Variants in HIGD2B observed in about 807,000 individuals in gnomAD.
HIGD2B encodes the protein HIG1 domain family member 2B.
For synonymous variants in HIGD2B, 45 were observed against 28.1 expected (o/e 1.60, Z -1.90); for missense variants, 106 against 67.0 (o/e 1.58, Z -2.03).
At chr15:72,684,796 G>T (rs893155181) in intron 1 of HIGD2B, among the ~76,000 whole-genome samples, 1 of 151,410 alleles carries the variant, frequency 6.6e-6, no homozygotes. Flanking sequence ...GCAAATTTTT[G>T]TTTTTTAGAC....
chr15:72,686,038 C>T lies in HIGD2B; in HGVS notation c.-413G>A, dbSNP rs1595896313. ...AAGGCAGCGAGTGGCTGCGCATTCC[C>T]TCCCCGACTCTTTCAGAGGTAAGCC... On this transcript the variant is annotated 5_prime_UTR_variant, in exon 1 of 3. Coordinates refer to ENST00000311755, the MANE Select transcript of HIGD2B (RefSeq NM_001350932.3). 1.5e-6 allele frequency: 1 copy of T among 675,496 alleles called. No individual in the cohort carries two copies. The highest frequency in any genetic ancestry group is 2.7e-5 in the East Asian group (1 of 36,692). The allele number at this position is 675,496 out of a possible 1,614,324, so 41.8% of individuals were successfully genotyped here. A position where few individuals can be genotyped will look rare whatever the true frequency, so the allele number is the denominator to read the frequency against.
At chr15:72,680,870 G>A (rs1173525276) in intron 1 of HIGD2B, among the ~76,000 whole-genome samples, 1 of 151,442 alleles carries the variant, frequency 6.6e-6, no homozygotes, top group Non-Finnish European at 1.5e-5. Context: ...GTGACAGAGT[G>A]AAATTCTGTC....
At position 72,680,078 on chromosome 15, in the gene HIGD2B, C is replaced by A. The variant is rs2064732898; in HGVS notation, c.-77G>T. 2.3e-6 allele frequency: 1 copy of A among 438,806 alleles called. No homozygotes were observed. Among genetic ancestry groups the A allele is most frequent in the South Asian group, 6.1e-5 (1 of 16,442 alleles). 27.2% of individuals were successfully genotyped at this position (438,806 alleles called of 1,614,324 possible). On this transcript the variant is annotated 5_prime_UTR_variant, in exon 2 of 3. Transcript: ENST00000311755. ...AATGTCTTCATATTCCTCATAGATT[C>A]CCTGCTTTTGCCTGGGCAAAATAGT...
At chr15:72,680,375 T>C (rs1338116408) in intron 1 of HIGD2B, among the ~76,000 whole-genome samples, 182 bp from the exon 2 acceptor site, 1 of 152,228 alleles carries the variant, frequency 6.6e-6, no homozygotes. Flanking sequence ...TAGAAAATTC[T>C]GTTATTAAAA....
At chr15:72,684,240 G>C (rs997198558) in intron 1 of HIGD2B, among the ~76,000 whole-genome samples, 5 of 152,140 alleles carry the variant, frequency 3.3e-5, no homozygotes, top group Admixed American at 2.6e-4. Flanking sequence ...AGAATTTTGG[G>C]GAGTTTAAAT....
chr15:72,677,875 T>C (rs1235027788), intron 2 of HIGD2B, among the ~76,000 whole-genome samples: 2 of 152,186 alleles, frequency 1.3e-5, no homozygotes, highest in Admixed American at 1.3e-4. Flanking sequence ...GAGAAAAGAA[T>C]ACTTTTCCTT....
chr15:72,681,919 AATTATT>A (rs754991233), intron 1 of HIGD2B, among the ~76,000 whole-genome samples: 6 of 151,258 alleles, frequency 4.0e-5, no homozygotes, highest in African/African-American at 1.5e-4. Context: ...ACTCCTTTAA[AATTATT>A]ATTATTATTG....
intron 1 of HIGD2B, among the ~76,000 whole-genome samples, chr15:72,684,644 C>T (rs868328470): frequency 6.6e-5 from 10 of 152,140 alleles, no homozygotes; most frequent in African/African-American, 1.2e-4. Context: ...CCGGCCACCA[C>T]GCCCGGATAA....
At chr15:72,684,409 T>C (rs544132185) in intron 1 of HIGD2B, among the ~76,000 whole-genome samples, 1 of 151,780 alleles carries the variant, frequency 6.6e-6, no homozygotes, top group Non-Finnish European at 1.5e-5. Context: ...CTCCAGACCC[T>C]ATTTTCCTGC....
intron 1 of HIGD2B, among the ~76,000 whole-genome samples, chr15:72,683,898 CTTTT>C (rs10592674): frequency 5.7e-5 from 8 of 141,144 alleles, no homozygotes; most frequent in Admixed American, 1.4e-4. Flanking sequence ...ATCTTTATAT[CTTTT>C]TTTTTTTTTT....
chr15:72,681,751 C>A (rs569424106), intron 1 of HIGD2B, among the ~76,000 whole-genome samples: 1 of 151,902 alleles, frequency 6.6e-6, no homozygotes, highest in Admixed American at 6.6e-5. Flanking sequence ...GGATTACAGG[C>A]GCCTGCCACC....
Position 72,686,037 on chromosome 15 carries a change from C to T in HIGD2B, c.-412G>A. The T allele has an allele frequency of 1.5e-6, 1 of 670,110 alleles. No individual in the cohort carries two copies. 41.5% of individuals were successfully genotyped at this position (670,110 alleles called of 1,614,324 possible). On this transcript the variant is annotated 5_prime_UTR_variant, in exon 1 of 3. Transcript: ENST00000311755. Reference sequence around the variant, plus strand: ...AAAGGCAGCGAGTGGCTGCGCATTCCCTCCCCGACTCTTTCAGAGGTAAGC... The same window carrying T: ...AAAGGCAGCGAGTGGCTGCGCATTCTCTCCCCGACTCTTTCAGAGGTAAGC...
At chr15:72,683,803 T>C (rs2064774572) in intron 1 of HIGD2B, among the ~76,000 whole-genome samples, 1 of 151,970 alleles carries the variant, frequency 6.6e-6, no homozygotes, top group South Asian at 2.1e-4. Flanking sequence ...ATTGTCCCAC[T>C]GCACTTCCGC....
chr15:72,685,521 C>T (rs866417341), intron 1 of HIGD2B, among the ~76,000 whole-genome samples: 6 of 152,260 alleles, frequency 3.9e-5, no homozygotes, highest in Admixed American at 3.3e-4. Flanking sequence ...GCACCGGGGG[C>T]CAGACAGGTA....
intron 1 of HIGD2B, among the ~76,000 whole-genome samples, chr15:72,682,084 A>C (rs1244302326): frequency 1.3e-5 from 2 of 152,172 alleles, no homozygotes; most frequent in Non-Finnish European, 1.5e-5. Flanking sequence ...ATCCAAACTA[A>C]ATGTGTAGTA....
At chr15:72,677,380 C>T (rs2064703408) in intron 2 of HIGD2B, among the ~76,000 whole-genome samples, 1 of 152,090 alleles carries the variant, frequency 6.6e-6, no homozygotes, top group Non-Finnish European at 1.5e-5. Context: ...GAGCTGAGAT[C>T]ACACCACTGC....
At chr15:72,685,116 G>C (rs1355501161) in intron 1 of HIGD2B, among the ~76,000 whole-genome samples, 1 of 152,182 alleles carries the variant, frequency 6.6e-6, no homozygotes, top group Non-Finnish European at 1.5e-5. Flanking sequence ...GAAATACTTA[G>C]AAGAGCTGTT....
chr15:72,679,610 C>T (rs1037709611), intron 2 of HIGD2B, among the ~76,000 whole-genome samples: 2 of 151,890 alleles, frequency 1.3e-5, no homozygotes, highest in Non-Finnish European at 2.9e-5. Context: ...CACCAGATAC[C>T]CCTCCTCAAG....
rs1010014974 is a variant in HIGD2B at position 72,686,023 on chromosome 15, G to A, written c.-398C>T. The A allele has an allele frequency of 6.2e-6, 4 of 648,960 alleles. No individual in the cohort carries two copies. The highest frequency in any genetic ancestry group is 1.1e-5 in the Non-Finnish European group (4 of 365,930). The allele number at this position is 648,960 out of a possible 1,614,324, so 40.2% of individuals were successfully genotyped here. A position where few individuals can be genotyped will look rare whatever the true frequency, so the allele number is the denominator to read the frequency against. ...GGGCTTCTCGGGATAAAGGCAGCGA[G>A]TGGCTGCGCATTCCCTCCCCGACTC... On this transcript the variant is annotated 5_prime_UTR_variant, in exon 1 of 3. Coordinates refer to ENST00000311755, the MANE Select transcript of HIGD2B (RefSeq NM_001350932.3).
Sources: gnomAD v4.1 joint callset for allele counts (sites outside exome capture counted in the v4.1 genomes callset) on GRCh38, gnomAD v4.1.1 for gene constraint, MANE v1.5 for transcripts, NCBI Gene and HGNC (gene_info 2026-07-23, HGNC 2026-07-21) for gene names.